Variants in IQCM observed in about 807,000 individuals in gnomAD.
The protein encoded by IQCM is IQ motif containing M, also known as IQ domain-containing protein M.
IQCM carries 45 observed loss-of-function variants against 57.6 expected under a neutral mutation model. The observed-to-expected ratio is 0.78, with a 90% CI of 0.62 to 1.00. The LOEUF is 1.00. IQCM is among the 50% of genes least tolerant of loss of function. The pLI is 0.00. For synonymous variants in IQCM, 148 were observed against 158.9 expected, an observed-to-expected ratio of 0.93 and a Z score of 0.51; for missense variants, 468 against 511.6, an observed-to-expected ratio of 0.91 and a Z score of 0.82.
At chr4:149,497,551 C>G (rs892253272) in intron 12 of IQCM, among the ~76,000 whole-genome samples, 1 of 151,920 alleles carries the variant, frequency 6.6e-6, no homozygotes, top group African/African-American at 2.4e-5. Flanking sequence ...CATCAGATCT[C>G]ATAAAATTTA....
intron 13 of IQCM, among the ~76,000 whole-genome samples, chr4:149,423,672 T>C (rs1366872478): frequency 6.6e-6 from 1 of 152,042 alleles, no homozygotes; most frequent in East Asian, 1.9e-4. Flanking sequence ...GTCTATCTTT[T>C]ATTGTGGTTA....
intron 3 of IQCM, among the ~76,000 whole-genome samples, chr4:149,737,230 G>A (rs1767022782): frequency 6.6e-6 from 1 of 152,116 alleles, no homozygotes; most frequent in Non-Finnish European, 1.5e-5. Context: ...GGAGTGATGG[G>A]AATGTTCTGT....
chr4:149,430,467 C>A (rs1734755491), intron 13 of IQCM, among the ~76,000 whole-genome samples: 1 of 151,904 alleles, frequency 6.6e-6, no homozygotes, highest in South Asian at 2.1e-4. Context: ...ACATTTCCAT[C>A]ACTCTCAAAT....
intron 9 of IQCM, 131 bp from the exon 10 acceptor site, chr4:149,564,021 T>C: frequency 4.3e-6 from 2 of 461,722 alleles, no homozygotes; most frequent in Non-Finnish European, 7.0e-6. Context: ...GAATTCAATG[T>C]ATGATATCAC....
chr4:149,423,708 G>C (rs989950361), intron 13 of IQCM, among the ~76,000 whole-genome samples: 2 of 151,886 alleles, frequency 1.3e-5, no homozygotes, highest in Non-Finnish European at 2.9e-5. Flanking sequence ...CTTTTACCCA[G>C]TCTAAACCAA....
chr4:149,744,702 G>A (rs1006189094), intron 2 of IQCM, among the ~76,000 whole-genome samples: 1 of 151,994 alleles, frequency 6.6e-6, no homozygotes, highest in Admixed American at 6.6e-5. Context: ...ATCAGCAAAT[G>A]GGGCCCCTCT....
intron 10 of IQCM, among the ~76,000 whole-genome samples, chr4:149,558,373 G>A (rs1749785888): frequency 6.6e-6 from 1 of 152,092 alleles, no homozygotes; most frequent in Admixed American, 6.6e-5. Context: ...CCAAAATGCT[G>A]TTATGTATCC....
chr4:149,540,665 T>C (rs1485682713), intron 12 of IQCM, among the ~76,000 whole-genome samples: 1 of 152,152 alleles, frequency 6.6e-6, no homozygotes, highest in Non-Finnish European at 1.5e-5. Flanking sequence ...CAGCAACATA[T>C]GTATAATGTG....
intron 13 of IQCM, among the ~76,000 whole-genome samples, chr4:149,420,713 G>T (rs1314791319): frequency 6.6e-6 from 1 of 151,874 alleles, no homozygotes; most frequent in African/African-American, 2.4e-5. Flanking sequence ...CAGACACCAG[G>T]TTATTATTAT....
chr4:149,804,754 T>C (rs1302817299), intron 2 of IQCM, among the ~76,000 whole-genome samples: 1 of 152,118 alleles, frequency 6.6e-6, no homozygotes, highest in East Asian at 1.9e-4. Flanking sequence ...TGGTCTTTTC[T>C]AGTAACATGT....
At chr4:149,372,479 C>T (rs1202150935) in intron 13 of IQCM, among the ~76,000 whole-genome samples, 1 of 151,822 alleles carries the variant, frequency 6.6e-6, no homozygotes, top group Non-Finnish European at 1.5e-5. Flanking sequence ...GTAGGGTAGC[C>T]CCATATTTGA....
intron 11 of IQCM, among the ~76,000 whole-genome samples, chr4:149,549,758 G>T (rs1748845096): frequency 6.6e-6 from 1 of 152,110 alleles, no homozygotes; most frequent in Admixed American, 6.5e-5. Flanking sequence ...GCACCAAAGT[G>T]GTTTCTAACA....
chr4:149,695,183 A>G (rs1287388790), intron 5 of IQCM, among the ~76,000 whole-genome samples: 2 of 152,148 alleles, frequency 1.3e-5, no homozygotes, highest in Non-Finnish European at 2.9e-5. Context: ...TTGAGGACAG[A>G]CATTGTGTTT....
intron 7 of IQCM, among the ~76,000 whole-genome samples, chr4:149,641,127 C>CA (rs1561093917): frequency 6.6e-6 from 1 of 150,740 alleles, no homozygotes; most frequent in African/African-American, 2.4e-5. Flanking sequence ...ACTCTTGTTT[C>CA]AAAAAAAAGT....
At position 149,706,104 on chromosome 4, in the gene IQCM, G is replaced by T. The variant is rs72957465; in HGVS notation, c.386-19636C>A. 2.3e-3 allele frequency among the ~76,000 whole-genome samples: 344 copies of T among 151,918 alleles called. 3 individuals carry two copies. The highest frequency in any genetic ancestry group is 7.7e-3 in the African/African-American group (321 of 41,472). The stretch of plus-strand genomic sequence containing the variant: ...TTTAAAAAAGTTTCAAGATAAAGTA[G>T]AAAAAACAGTGGACTAGGAGTATGC... On this transcript the variant is annotated intron_variant, in intron 5 of 13. Transcript: ENST00000636793.
intron 13 of IQCM, among the ~76,000 whole-genome samples, chr4:149,388,524 A>ATATATAT (rs1196689156): frequency 7.1e-6 from 1 of 140,426 alleles, no homozygotes; most frequent in South Asian, 2.2e-4. Context: ...CATATATATT[A>ATATATAT]TATATATTAT....
chr4:149,576,316 G>A (rs577641498), intron 9 of IQCM, among the ~76,000 whole-genome samples: 15 of 151,814 alleles, frequency 9.9e-5, no homozygotes, highest in South Asian at 8.3e-4. Context: ...TCTCCACCCT[G>A]AAGTAGGCCC....
chr4:149,772,900 G>GGCTA (rs1163512586), intron 2 of IQCM, among the ~76,000 whole-genome samples: 1 of 152,128 alleles, frequency 6.6e-6, no homozygotes, highest in Admixed American at 6.5e-5. Context: ...GTTTATTAAA[G>GGCTA]GCTAGCAGCT....
chr4:149,670,844 A>G (rs1761196520), intron 7 of IQCM, among the ~76,000 whole-genome samples: 1 of 152,016 alleles, frequency 6.6e-6, no homozygotes, highest in Admixed American at 6.6e-5. Context: ...ATCATGGTGG[A>G]TAAATATTTT....
Sources: gnomAD v4.1 joint callset for allele counts (sites outside exome capture counted in the v4.1 genomes callset) on GRCh38, gnomAD v4.1.1 for gene constraint, MANE v1.5 for transcripts, NCBI Gene and HGNC (gene_info 2026-07-23, HGNC 2026-07-21) for gene names.